ESRRG: variants seen among roughly 807,000 people sequenced by gnomAD.
ESRRG encodes the protein estrogen related receptor gamma.
Under a neutral mutation model 44.0 loss-of-function variants are expected in ESRRG, and 13 were observed. The ratio of observed to expected loss-of-function variants is 0.30; its 90% CI spans 0.19 to 0.47. The LOEUF is 0.47. ESRRG is among the 20% of genes least tolerant of loss of function. The pLI is 1.00. For synonymous variants in ESRRG, 215 were observed against 214.6 expected (o/e 1.00, Z -0.02); for missense variants, 395 against 580.6 (o/e 0.68, Z 3.29).
At chr1:216,548,985 A>G (rs2055417492) in intron 5 of ESRRG, among the ~76,000 whole-genome samples, 1 of 152,184 alleles carries the variant, frequency 6.6e-6, no homozygotes, top group South Asian at 2.1e-4. Flanking sequence ...AGCAGGCCAA[A>G]TGATTGGTAC....
At chr1:216,868,849 G>A (rs1370414447) in intron 2 of ESRRG, among the ~76,000 whole-genome samples, 1 of 152,116 alleles carries the variant, frequency 6.6e-6, no homozygotes, top group Non-Finnish European at 1.5e-5. Flanking sequence ...GTGTTTATAT[G>A]CATTTCATAT....
At chr1:217,021,592 C>T (rs534852277) in intron 1 of ESRRG, among the ~76,000 whole-genome samples, 2 of 152,306 alleles carry the variant, frequency 1.3e-5, no homozygotes, top group Admixed American at 1.3e-4. Flanking sequence ...TCCCATCCAC[C>T]TCTCCATGAC....
chr1:216,840,924 A>G (rs1307866018), intron 2 of ESRRG, among the ~76,000 whole-genome samples: 1 of 152,160 alleles, frequency 6.6e-6, no homozygotes, highest in Non-Finnish European at 1.5e-5. Flanking sequence ...AATAATGGGA[A>G]AGTTTGAAAT....
intron 1 of ESRRG, among the ~76,000 whole-genome samples, chr1:217,114,667 CTTTTTTT>C (rs139701773): frequency 4.7e-5 from 5 of 107,238 alleles, no homozygotes; most frequent in African/African-American, 1.5e-4. Flanking sequence ...CAAAAGATTT[CTTTTTTT>C]TTTTTTTTTT....
intron 1 of ESRRG, among the ~76,000 whole-genome samples, chr1:216,997,701 T>C (rs2076541063): frequency 6.6e-6 from 1 of 152,240 alleles, no homozygotes; most frequent in African/African-American, 2.4e-5. Context: ...ATACTTTTGC[T>C]ATTCTATACG....
intron 1 of ESRRG, among the ~76,000 whole-genome samples, chr1:217,134,191 A>G (rs1252226092): frequency 2.0e-5 from 3 of 152,104 alleles, no homozygotes; most frequent in Non-Finnish European, 2.9e-5. Context: ...TCCAGCCCCC[A>G]TGGTTTGTGA....
At chr1:217,012,967 C>T (rs1317623097) in intron 1 of ESRRG, among the ~76,000 whole-genome samples, 1 of 152,168 alleles carries the variant, frequency 6.6e-6, no homozygotes, top group Non-Finnish European at 1.5e-5. Context: ...GTTCCAGGCT[C>T]TTCTTCTTGG....
At chr1:216,999,316 T>A (rs1579281020) in intron 1 of ESRRG, among the ~76,000 whole-genome samples, 1 of 152,242 alleles carries the variant, frequency 6.6e-6, no homozygotes, top group South Asian at 2.1e-4. Flanking sequence ...ATTGTTGTTA[T>A]GGGTACTATC....
At chr1:216,890,081 A>G (rs1443576633) in intron 2 of ESRRG, among the ~76,000 whole-genome samples, 2 of 151,980 alleles carry the variant, frequency 1.3e-5, no homozygotes, top group Non-Finnish European at 2.9e-5. Flanking sequence ...CTTGGGGAAC[A>G]TGGGAAGATC....
intron 2 of ESRRG, among the ~76,000 whole-genome samples, chr1:216,739,883 G>C (rs944691474): frequency 6.6e-6 from 1 of 152,160 alleles, no homozygotes; most frequent in Non-Finnish European, 1.5e-5. Flanking sequence ...AATGAAATTT[G>C]AGATGCAAAG....
chr1:216,696,383 AT>A (rs999942642), intron 1 of ESRRG, among the ~76,000 whole-genome samples: 3 of 152,152 alleles, frequency 2.0e-5, no homozygotes, highest in Non-Finnish European at 2.9e-5. Context: ...TCTTCTAAAG[AT>A]TTTTTTATTC....
At chr1:216,986,864 T>A (rs2074965104) in intron 1 of ESRRG, among the ~76,000 whole-genome samples, 1 of 152,084 alleles carries the variant, frequency 6.6e-6, no homozygotes, top group African/African-American at 2.4e-5. Flanking sequence ...TCGACAACAA[T>A]CCTAAAAATT....
At chr1:217,072,489 T>A (rs1187340404) in intron 1 of ESRRG, among the ~76,000 whole-genome samples, 2 of 152,194 alleles carry the variant, frequency 1.3e-5, no homozygotes, top group African/African-American at 4.8e-5. Context: ...AAATATATAA[T>A]CTTATTTAAT....
At chr1:216,841,295 AC>A (rs1193321843) in intron 2 of ESRRG, among the ~76,000 whole-genome samples, 1 of 151,916 alleles carries the variant, frequency 6.6e-6, no homozygotes, top group Non-Finnish European at 1.5e-5. Context: ...TGGCCTCTCC[AC>A]CCCGCAGGCC....
At chr1:216,523,262 C>T (rs2046618955) in intron 5 of ESRRG, among the ~76,000 whole-genome samples, 1 of 152,136 alleles carries the variant, frequency 6.6e-6, no homozygotes, top group Non-Finnish European at 1.5e-5. Context: ...TGACTCTCTA[C>T]CTTGACCCGC....
intron 2 of ESRRG, among the ~76,000 whole-genome samples, chr1:216,748,513 C>G (rs541415574): frequency 4.2e-4 from 64 of 152,322 alleles, no homozygotes; most frequent in African/African-American, 1.3e-3. Context: ...TTTATACAGG[C>G]TGTTGTCCAC....
chr1:216,628,971 T>A (rs1296073933), intron 3 of ESRRG, among the ~76,000 whole-genome samples: 13 of 151,948 alleles, frequency 8.6e-5, no homozygotes, highest in Admixed American at 8.5e-4. Flanking sequence ...GACTGACCTC[T>A]CCACTTGGAA....
At chr1:216,633,494 A>G (rs1053841324) in intron 3 of ESRRG, among the ~76,000 whole-genome samples, 1 of 152,242 alleles carries the variant, frequency 6.6e-6, no homozygotes, top group Admixed American at 6.5e-5. Context: ...TATGCTGCAT[A>G]TACCTCTTAC....
chr1:216,906,456 T>A lies in ESRRG; in HGVS notation c.-14+33126A>T, dbSNP rs141468134. ...TACCGGCTATTTGGGCCTTTGTCCA[T>A]CAGACATATGGCCAGGAAAGTACAG... On this transcript the variant is annotated intron_variant, in intron 2 of 7. Coordinates refer to the ESRRG transcript ENST00000359162. Among the ~76,000 whole-genome samples, 832 of 152,214 alleles carry A rather than the reference T, an allele frequency of 5.5e-3. 6 individuals are homozygous for A. Among genetic ancestry groups the A allele is most frequent in the Middle Eastern group, 0.024 (7 of 294 alleles).
Sources: gnomAD v4.1 joint callset for allele counts (sites outside exome capture counted in the v4.1 genomes callset) on GRCh38, gnomAD v4.1.1 for gene constraint, MANE v1.5 for transcripts, NCBI Gene and HGNC (gene_info 2026-07-23, HGNC 2026-07-21) for gene names.